Variants in PID1 observed in about 807,000 individuals in gnomAD.
PID1 encodes phosphotyrosine interaction domain containing 1.
Under a neutral mutation model 19.1 loss-of-function variants are expected in PID1, and 10 were observed. The ratio of observed to expected loss-of-function variants is 0.52; its 90% CI spans 0.32 to 0.89. The LOEUF (loss-of-function observed/expected upper bound fraction) is 0.89. Ranked by LOEUF, PID1 falls within the 40% of genes least tolerant of loss-of-function variation. The pLI, the probability that PID1 is intolerant of heterozygous loss-of-function variation, is 0.03. For missense variants in PID1, 248 were observed against 285.3 expected (o/e 0.87, Z 0.94); for synonymous variants, 130 against 116.0 (o/e 1.12, Z -0.78).
intron 1 of PID1, among the ~76,000 whole-genome samples, chr2:229,237,966 T>A (rs1323785475): frequency 2.0e-5 from 3 of 152,210 alleles, no homozygotes; most frequent in Admixed American, 6.6e-5. Flanking sequence ...CTAAATGAAA[T>A]CTACATGGTA....
chr2:229,056,558 G>A (rs31277), intron 2 of PID1, among the ~76,000 whole-genome samples: 50,712 of 150,730 alleles, frequency 0.34, 8,961 homozygotes, highest in Middle Eastern at 0.44. Context: ...ATTTCAAAAA[G>A]TAAAAAAACA....
chr2:229,224,863 C>T (rs1692045371), intron 1 of PID1, among the ~76,000 whole-genome samples: 1 of 151,752 alleles, frequency 6.6e-6, no homozygotes, highest in Admixed American at 6.6e-5. Flanking sequence ...TATTCAAATG[C>T]CAGCCCTGAG....
chr2:229,183,102 G>T (rs1690981342), intron 1 of PID1, among the ~76,000 whole-genome samples: 1 of 152,236 alleles, frequency 6.6e-6, no homozygotes, highest in South Asian at 2.1e-4. Flanking sequence ...ACTGGGCAAG[G>T]ATGGGCCCTA....
At chr2:229,267,223 C>T (rs996879914) in intron 1 of PID1, among the ~76,000 whole-genome samples, 2 of 152,198 alleles carry the variant, frequency 1.3e-5, no homozygotes, top group Non-Finnish European at 2.9e-5. Context: ...TGGGGTCCTC[C>T]CTACTCTTCA....
chr2:229,209,517 A>C (rs1691681630), intron 1 of PID1, among the ~76,000 whole-genome samples: 1 of 152,198 alleles, frequency 6.6e-6, no homozygotes, highest in African/African-American at 2.4e-5. Flanking sequence ...GGGCAGTGGA[A>C]CCACAGTGGG....
intron 2 of PID1, among the ~76,000 whole-genome samples, chr2:229,027,889 C>T (rs371646810): frequency 4.6e-5 from 7 of 152,060 alleles, no homozygotes; most frequent in African/African-American, 9.7e-5. Flanking sequence ...GGAATCGGGG[C>T]GTCGTTGCTC....
intron 1 of PID1, among the ~76,000 whole-genome samples, chr2:229,232,432 A>C (rs1400667769): frequency 1.2e-4 from 1 of 8,534 alleles, no homozygotes; most frequent in Non-Finnish European, 3.0e-4. Flanking sequence ...ACTCCATCTC[A>C]AAAAAAAAAA....
chr2:229,028,619 G>C (rs986497985), intron 2 of PID1, among the ~76,000 whole-genome samples: 13 of 152,118 alleles, frequency 8.5e-5, no homozygotes, highest in African/African-American at 2.7e-4. Context: ...ATGGGCAAAG[G>C]CATCCACAGT....
chr2:229,031,214 T>TAAAAAAAAAAAAAAAAAA (rs1274567780), intron 2 of PID1, among the ~76,000 whole-genome samples: 1 of 24,974 alleles, frequency 4.0e-5, no homozygotes, highest in African/African-American at 1.8e-4. Context: ...AGACTCTGTC[T>TAAAAAAAAAAAAAAAAAA]CAAAAAAAAA....
At chr2:229,091,032 T>C (rs1694865499) in intron 2 of PID1, among the ~76,000 whole-genome samples, 1 of 152,218 alleles carries the variant, frequency 6.6e-6, no homozygotes, top group East Asian at 1.9e-4. Context: ...CTGTTTCTCC[T>C]GTGTGACATT....
chr2:229,057,823 T>C (rs542499802), intron 2 of PID1, among the ~76,000 whole-genome samples: 2 of 152,124 alleles, frequency 1.3e-5, no homozygotes, highest in African/African-American at 4.8e-5. Context: ...AAAACTGTGA[T>C]TGCAAAGATA....
intron 2 of PID1, among the ~76,000 whole-genome samples, chr2:229,141,661 A>C (rs1690014569): frequency 6.6e-6 from 1 of 152,004 alleles, no homozygotes; most frequent in Non-Finnish European, 1.5e-5. Context: ...AACTAATTTC[A>C]GTGGGATTTT....
At chr2:229,030,454 G>A (rs1249691996) in intron 2 of PID1, among the ~76,000 whole-genome samples, 5 of 152,004 alleles carry the variant, frequency 3.3e-5, no homozygotes, top group African/African-American at 1.2e-4. Context: ...AATAAATTAG[G>A]GAAAAAAGCA....
intron 1 of PID1, among the ~76,000 whole-genome samples, chr2:229,174,887 AGGAGATGTC>A (rs1349249148): frequency 1.3e-5 from 2 of 152,198 alleles, no homozygotes; most frequent in East Asian, 1.9e-4. Context: ...CTACCTCAAG[AGGAGATGTC>A]TATGTCCCTT....
chr2:229,099,916 C>T (rs77564591), intron 2 of PID1, among the ~76,000 whole-genome samples: 2,320 of 152,264 alleles, frequency 0.015, 27 homozygotes, highest in South Asian at 0.036. Context: ...AAAATTCATA[C>T]GTCAAAGCCT....
At chr2:229,260,817 ATTTTTTTT>A (rs66533277) in intron 1 of PID1, among the ~76,000 whole-genome samples, 1 of 114,654 alleles carries the variant, frequency 8.7e-6, no homozygotes, top group Admixed American at 8.6e-5. Flanking sequence ...TCTGATTGCC[ATTTTTTTT>A]TTTTTTTTTT....
intron 2 of PID1, among the ~76,000 whole-genome samples, chr2:229,064,160 T>C (rs1323885107): frequency 1.3e-5 from 2 of 152,178 alleles, no homozygotes; most frequent in Non-Finnish European, 2.9e-5. Flanking sequence ...AGGAAGATCC[T>C]TCTGAATGCA....
At chr2:229,038,530 C>T (rs1693707759) in intron 2 of PID1, among the ~76,000 whole-genome samples, 1 of 152,120 alleles carries the variant, frequency 6.6e-6, no homozygotes, top group East Asian at 1.9e-4. Context: ...GGATTAGGGG[C>T]AGGGACTACT....
At chr2:229,159,906 C>A (rs1417966889) in intron 1 of PID1, among the ~76,000 whole-genome samples, 1 of 152,052 alleles carries the variant, frequency 6.6e-6, no homozygotes, top group Admixed American at 6.6e-5. Flanking sequence ...CAACAGGGGA[C>A]AGTGGTCTGG....
Sources: gnomAD v4.1 joint callset for allele counts (sites outside exome capture counted in the v4.1 genomes callset) on GRCh38, gnomAD v4.1.1 for gene constraint, MANE v1.5 for transcripts, NCBI Gene and HGNC (gene_info 2026-07-23, HGNC 2026-07-21) for gene names.